The following CFAP95 variants were observed in gnomAD, a reference collection of about 807,000 sequenced individuals.
CFAP95 encodes the protein cilia and flagella associated protein 95.
At chr9:69,884,507 G>C in the CFAP95 span, 2 of 152,130 alleles carry the variant, frequency 1.3e-5, no homozygotes, top group African/African-American at 4.8e-5. Flanking sequence ...CCTGCTCCTG[G>C]GAGGTCACCA....
At chr9:69,886,847 G>A in the CFAP95 span, 10 of 1,612,818 alleles carry the variant, frequency 6.2e-6, no homozygotes, top group Admixed American at 3.3e-5. Context: ...GGTGTGCATT[G>A]ACAACGTACT....
the CFAP95 span, among the ~76,000 whole-genome samples, chr9:69,833,703 C>G: frequency 6.6e-6 from 1 of 152,050 alleles, no homozygotes; most frequent in East Asian, 1.9e-4. Flanking sequence ...ATGTTATAAT[C>G]TGGGGATGAT....
chr9:69,848,600 C>G, the CFAP95 span, among the ~76,000 whole-genome samples: 2 of 152,172 alleles, frequency 1.3e-5, no homozygotes, highest in African/African-American at 2.4e-5. Context: ...TTACCTCTCT[C>G]TCTTCCTCAT....
At chr9:69,827,665 C>A in the CFAP95 span, among the ~76,000 whole-genome samples, 1 of 152,198 alleles carries the variant, frequency 6.6e-6, no homozygotes, top group Non-Finnish European at 1.5e-5. Context: ...GGTCCAACCG[C>A]TGTGCATGCT....
the CFAP95 span, among the ~76,000 whole-genome samples, chr9:69,828,325 A>G: frequency 6.6e-6 from 1 of 152,204 alleles, no homozygotes; most frequent in Admixed American, 6.5e-5. Flanking sequence ...TTAATATTTG[A>G]AATATTAATC....
the CFAP95 span, chr9:69,884,730 C>T: frequency 2.0e-5 from 3 of 151,548 alleles, no homozygotes; most frequent in Non-Finnish European, 4.4e-5. Flanking sequence ...AGGCTTAACC[C>T]CTTTATTTTT....
chr9:69,863,912 A>C, the CFAP95 span, among the ~76,000 whole-genome samples: 3 of 152,152 alleles, frequency 2.0e-5, no homozygotes, highest in African/African-American at 7.2e-5. Flanking sequence ...ATATATACAC[A>C]TATAAACATG....
At chr9:69,852,761 A>C in the CFAP95 span, among the ~76,000 whole-genome samples, 1 of 152,210 alleles carries the variant, frequency 6.6e-6, no homozygotes, top group Non-Finnish European at 1.5e-5. Context: ...TAACGTGGGA[A>C]GGACCCAGTG....
the CFAP95 span, among the ~76,000 whole-genome samples, chr9:69,867,098 T>C: frequency 6.6e-6 from 1 of 152,244 alleles, no homozygotes; most frequent in Non-Finnish European, 1.5e-5. Context: ...GGAGGTGGGA[T>C]ATCTGGTGTT....
chr9:69,878,793 G>T, the CFAP95 span, among the ~76,000 whole-genome samples: 1 of 152,176 alleles, frequency 6.6e-6, no homozygotes. Context: ...AATTTACAAA[G>T]AAAAGAGGTT....
At chr9:69,844,700 G>A in the CFAP95 span, 1 of 1,108,236 alleles carries the variant, frequency 9.0e-7, no homozygotes, top group Non-Finnish European at 1.3e-6. Flanking sequence ...AAAGGGAGGA[G>A]TGTTTTGTGC....
the CFAP95 span, among the ~76,000 whole-genome samples, chr9:69,824,983 A>G: frequency 1.3e-5 from 2 of 152,210 alleles, no homozygotes; most frequent in Admixed American, 1.3e-4. Context: ...TCCGTATCCA[A>G]CCAGTCACCA....
the CFAP95 span, among the ~76,000 whole-genome samples, chr9:69,832,162 C>T: frequency 6.6e-6 from 1 of 152,198 alleles, no homozygotes; most frequent in Admixed American, 6.5e-5. Context: ...GGCACCTGCT[C>T]TCCTTGTAGG....
At chr9:69,883,836 TA>T in the CFAP95 span, among the ~76,000 whole-genome samples, 143,646 of 151,706 alleles carry the variant, frequency 0.95, 68,385 homozygotes, top group Non-Finnish European at 1. Flanking sequence ...AAAAAACAAT[TA>T]AAAAAAAATC....
At chr9:69,875,212 A>G in the CFAP95 span, among the ~76,000 whole-genome samples, 3 of 149,730 alleles carry the variant, frequency 2.0e-5, no homozygotes, top group Non-Finnish European at 3.0e-5. Flanking sequence ...TGTTTTTTGG[A>G]TTTTTTTTTT....
the CFAP95 span, among the ~76,000 whole-genome samples, chr9:69,831,052 G>A: frequency 6.6e-6 from 1 of 152,012 alleles, no homozygotes; most frequent in South Asian, 2.1e-4. Flanking sequence ...TGGTCACACC[G>A]TGTATTTTCT....
chr9:69,823,632 C>T, the CFAP95 span, among the ~76,000 whole-genome samples: 1 of 152,168 alleles, frequency 6.6e-6, no homozygotes, highest in African/African-American at 2.4e-5. Context: ...CGCTCACGTG[C>T]ATTTGAAGAG....
chr9:69,902,729 G>A, the CFAP95 span, among the ~76,000 whole-genome samples: 8 of 151,374 alleles, frequency 5.3e-5, no homozygotes, highest in Admixed American at 3.3e-4. Flanking sequence ...ACTTTGAAAA[G>A]CATACTCTCT....
the CFAP95 span, among the ~76,000 whole-genome samples, chr9:69,833,819 T>TA: frequency 6.6e-6 from 1 of 152,214 alleles, no homozygotes; most frequent in African/African-American, 2.4e-5. Context: ...TTTGTGTAGT[T>TA]ACGTTCATTA....
Sources: allele counts gnomAD v4.1 joint callset (sites outside exome capture counted in the v4.1 genomes callset), GRCh38; gene constraint gnomAD v4.1.1; transcripts MANE v1.5; gene names NCBI Gene and HGNC (gene_info 2026-07-23, HGNC 2026-07-21).